The following NELL2 variants were observed in gnomAD, a reference collection of about 807,000 sequenced individuals.
The protein encoded by NELL2 is protein kinase C-binding protein NELL2.
NELL2 carries 41 observed loss-of-function variants against 109.6 expected under a neutral mutation model. That is an observed-to-expected ratio of 0.37 (90% CI 0.29 to 0.49). NELL2 has a LOEUF of 0.49. Ranked by LOEUF, NELL2 falls within the 20% of genes least tolerant of loss-of-function variation. NELL2 has a pLI of 0.98. For synonymous variants in NELL2, 355 were observed against 344.7 expected, an observed-to-expected ratio of 1.03 and a Z score of -0.33; for missense variants, 900 against 1,008.3, an observed-to-expected ratio of 0.89 and a Z score of 1.45.
intron 9 of NELL2, among the ~76,000 whole-genome samples, chr12:44,736,004 C>CTTTTTTTTTTTTTT (rs35988182): frequency 3.0e-5 from 3 of 99,398 alleles, no homozygotes; most frequent in Admixed American, 1.1e-4. Context: ...GCAGTTAATT[C>CTTTTTTTTTTTTTT]TTTTTTTTTT....
chr12:44,799,315 T>C (rs1276831369), intron 3 of NELL2, among the ~76,000 whole-genome samples: 1 of 152,002 alleles, frequency 6.6e-6, no homozygotes, highest in Non-Finnish European at 1.5e-5. Flanking sequence ...TACAGTAAGA[T>C]CCCACTTCCT....
chr12:44,511,653 A>G (rs1592047794), intron 19 of NELL2, among the ~76,000 whole-genome samples: 1 of 152,222 alleles, frequency 6.6e-6, no homozygotes, highest in Admixed American at 6.5e-5. Flanking sequence ...AGAGATTCTA[A>G]AGAGCAAATC....
chr12:44,651,239 G>A (rs1327878456), intron 13 of NELL2, among the ~76,000 whole-genome samples: 3 of 152,160 alleles, frequency 2.0e-5, no homozygotes, highest in Admixed American at 1.3e-4. Flanking sequence ...AAAAGATTGG[G>A]GATCACTGGT....
intron 15 of NELL2, among the ~76,000 whole-genome samples, chr12:44,575,563 C>T (rs144791301): frequency 2.2e-3 from 338 of 152,284 alleles, no homozygotes; most frequent in African/African-American, 7.7e-3. Context: ...CCAGTTGACT[C>T]TAAAGCAACT....
intron 1 of NELL2, among the ~76,000 whole-genome samples, chr12:44,885,675 T>C (rs1945462675): frequency 6.6e-6 from 1 of 151,944 alleles, no homozygotes. Context: ...CAGATACATA[T>C]AGTTCTTATT....
At chr12:44,887,145 T>C (rs1248077371) in intron 1 of NELL2, among the ~76,000 whole-genome samples, 2 of 152,038 alleles carry the variant, frequency 1.3e-5, no homozygotes, top group East Asian at 3.8e-4. Flanking sequence ...GTAGTGGAAT[T>C]GCTGTATCAT....
At chr12:44,765,187 T>A (rs1042098061) in intron 9 of NELL2, among the ~76,000 whole-genome samples, 1 of 152,236 alleles carries the variant, frequency 6.6e-6, no homozygotes, top group Admixed American at 6.5e-5. Flanking sequence ...CATCTTCCAA[T>A]GGTTAAAATC....
chr12:44,645,721 A>C lies in NELL2; in HGVS notation c.1444+19763T>G, dbSNP rs538258263. The stretch of plus-strand genomic sequence containing the variant: ...TACCTTTTAATATTTTTAATCCTTA[A>C]AATGCCTTTAAAAGGTAGGTATAAT... On this transcript the variant is annotated intron_variant, in intron 13 of 19. Coordinates refer to ENST00000429094, the MANE Select transcript of NELL2 (RefSeq NM_001145108.2). Among the ~76,000 whole-genome samples, 363 of 152,266 alleles carry C rather than the reference A, an allele frequency of 2.4e-3. 3 individuals are homozygous for C. The highest frequency in any genetic ancestry group is 8.0e-3 in the African/African-American group (331 of 41,558).
chr12:44,560,477 TA>T (rs1943429583), intron 15 of NELL2, among the ~76,000 whole-genome samples: 2 of 151,546 alleles, frequency 1.3e-5, no homozygotes, highest in Non-Finnish European at 2.9e-5. Context: ...TAGACATAAT[TA>T]AAAAAATGAT....
intron 2 of NELL2, among the ~76,000 whole-genome samples, chr12:44,826,341 AT>A (rs903026033): frequency 2.0e-5 from 3 of 152,024 alleles, no homozygotes; most frequent in South Asian, 2.1e-4. Context: ...TGAGATTATC[AT>A]TTTTTTTCAG....
intron 9 of NELL2, among the ~76,000 whole-genome samples, chr12:44,718,782 A>T (rs1411473539): frequency 1.3e-5 from 2 of 152,192 alleles, no homozygotes; most frequent in Admixed American, 1.3e-4. Flanking sequence ...ATATTAACCC[A>T]CAGAACCACA....
rs1315152035 is a variant in NELL2, at chr12:44,876,188, G to C, written c.-319C>G. On this transcript the variant is annotated 5_prime_UTR_variant, in exon 1 of 20. Transcript: ENST00000429094. ...CCGTCGGGGAATTAGCTCCCGAGCCGAATAAAAGCAGCCAAAGACTCGCAC... is the reference window on the plus strand; with the variant it reads ...CCGTCGGGGAATTAGCTCCCGAGCCCAATAAAAGCAGCCAAAGACTCGCAC... 4 of 1,231,726 alleles carry C rather than the reference G, an allele frequency of 3.2e-6. No individual in the cohort carries two copies. The highest frequency in any genetic ancestry group is 4.1e-6 in the Non-Finnish European group (4 of 981,812). 76.3% of individuals were successfully genotyped at this position (1,231,726 alleles called of 1,614,324 possible). A position where few individuals can be genotyped will look rare whatever the true frequency, so the allele number is the denominator to read the frequency against.
chr12:44,532,102 A>C (rs1254615844), intron 16 of NELL2, among the ~76,000 whole-genome samples: 1 of 152,210 alleles, frequency 6.6e-6, no homozygotes, highest in African/African-American at 2.4e-5. Context: ...AACATTCAAC[A>C]ATCACTAAAC....
chr12:44,719,973 G>T (rs1256005127), intron 9 of NELL2, among the ~76,000 whole-genome samples: 1 of 152,104 alleles, frequency 6.6e-6, no homozygotes, highest in Admixed American at 6.6e-5. Context: ...AATTTTAAAA[G>T]TGTTTTAATA....
At chr12:44,557,520 A>G (rs1418368501) in intron 15 of NELL2, among the ~76,000 whole-genome samples, 1 of 152,182 alleles carries the variant, frequency 6.6e-6, no homozygotes, top group Non-Finnish European at 1.5e-5. Flanking sequence ...GAGGTACTGA[A>G]GAGGTGGAAT....
At chr12:44,726,006 GT>G (rs1303780516) in intron 9 of NELL2, among the ~76,000 whole-genome samples, 5 of 151,932 alleles carry the variant, frequency 3.3e-5, no homozygotes, top group African/African-American at 1.2e-4. Context: ...GTAAGAAAAA[GT>G]TTTTTAACAT....
chr12:44,550,150 T>C (rs934204464), intron 15 of NELL2, among the ~76,000 whole-genome samples: 2 of 151,880 alleles, frequency 1.3e-5, no homozygotes, highest in African/African-American at 2.4e-5. Flanking sequence ...GAAAGGAAAG[T>C]CTCTTCAAAA....
chr12:44,821,046 TACACACACAC>T (rs10664645), intron 2 of NELL2, among the ~76,000 whole-genome samples: 5 of 148,852 alleles, frequency 3.4e-5, no homozygotes, highest in African/African-American at 5.0e-5. Flanking sequence ...GCTTTATAAA[TACACACACAC>T]ACACACACAC....
chr12:44,649,918 A>T (rs937665461), intron 13 of NELL2, among the ~76,000 whole-genome samples: 13 of 152,180 alleles, frequency 8.5e-5, no homozygotes, highest in African/African-American at 2.7e-4. Flanking sequence ...CAAATTCTGC[A>T]TAGGAATGTG....
Sources: gnomAD v4.1 joint callset for allele counts (sites outside exome capture counted in the v4.1 genomes callset) on GRCh38, gnomAD v4.1.1 for gene constraint, MANE v1.5 for transcripts, NCBI Gene and HGNC (gene_info 2026-07-23, HGNC 2026-07-21) for gene names.